The following CCDC171 variants were observed in gnomAD, a reference collection of about 807,000 sequenced individuals.
CCDC171 encodes coiled-coil domain containing 171, also known as coiled-coil domain-containing protein 171.
In CCDC171, 177 loss-of-function variants were observed where a neutral mutation model predicts 168.2. That is an observed-to-expected ratio of 1.05 (90% CI 0.93 to 1.19). The LOEUF (loss-of-function observed/expected upper bound fraction) is 1.19. Ranked by LOEUF, CCDC171 falls within the 50% of genes most tolerant of loss-of-function variation. The probability of loss-of-function intolerance (pLI) is 0.00; values close to 1 mark genes in which losing one functional copy is unlikely to be tolerated. For missense variants in CCDC171, 1,991 were observed against 1,539.0 expected (o/e 1.29, Z -4.91); for synonymous variants, 687 against 540.8 (o/e 1.27, Z -3.75).
Position 16,005,834 on chromosome 9 carries a change from G to A in CCDC171, n.369-14755G>A, listed in dbSNP as rs577427710. ...AACTAATCCCCCATGGATATCAAGG[G>A]ATAACTGTGTATACCTAAGAAAGTC... On this transcript the variant is annotated intron_variant and non_coding_transcript_variant, in intron 3 of 9. Coordinates refer to the CCDC171 transcript ENST00000486641. 2.0e-5 allele frequency among the ~76,000 whole-genome samples: 3 copies of A among 152,206 alleles called. No homozygotes were observed. In the South Asian group the frequency reaches 6.2e-4, roughly 32 times the overall value.
intron 25 of CCDC171, among the ~76,000 whole-genome samples, chr9:15,934,632 C>A (rs1267979445): frequency 1.3e-5 from 2 of 151,872 alleles, no homozygotes; most frequent in Non-Finnish European, 2.9e-5. Flanking sequence ...CCATATGACC[C>A]AGCAAATTTA....
chr9:15,935,430 GC>G (rs1273756346), intron 25 of CCDC171, among the ~76,000 whole-genome samples: 43 of 152,132 alleles, frequency 2.8e-4, no homozygotes, highest in Non-Finnish European at 2.9e-5. Flanking sequence ...TTCCCTGTCA[GC>G]TTTAAAATTC....
In CCDC171 at chr9:15,772,828, C is replaced by T. The variant is rs962145885; in HGVS notation, c.2672-4772C>T. On this transcript the variant is annotated intron_variant, in intron 18 of 25. Coordinates refer to ENST00000380701, the MANE Select transcript of CCDC171 (RefSeq NM_173550.4). Reference sequence around the variant, plus strand: ...GAGTGCGTCTTAGATATGGCCATGACTACAGAGAAAATGGAATAAATTGGA... The same window carrying T: ...GAGTGCGTCTTAGATATGGCCATGATTACAGAGAAAATGGAATAAATTGGA... 7.3e-4 allele frequency among the ~76,000 whole-genome samples: 111 copies of T among 151,754 alleles called. 1 individual carries two copies. Among genetic ancestry groups the T allele is most frequent in the Admixed American group, 2.0e-4 (3 of 15,230 alleles).
chr9:15,896,498 A>G (rs1820918562), intron 24 of CCDC171, among the ~76,000 whole-genome samples: 1 of 152,066 alleles, frequency 6.6e-6, no homozygotes. Context: ...AGGAAAATGA[A>G]CTTAGATTCT....
chr9:15,756,066 C>T (rs1374718122), intron 18 of CCDC171, among the ~76,000 whole-genome samples: 2 of 152,134 alleles, frequency 1.3e-5, no homozygotes, highest in Admixed American at 6.5e-5. Context: ...GCAGTTTTCT[C>T]TTCTTGTTTC....
At chr9:15,777,433 C>T (rs1374415197) in intron 18 of CCDC171, among the ~76,000 whole-genome samples, 167 bp from the exon 19 acceptor site, 1 of 151,796 alleles carries the variant, frequency 6.6e-6, no homozygotes, top group Non-Finnish European at 1.5e-5. Context: ...CTCTGAATTC[C>T]TTTTTTTCAT....
At chr9:15,779,935 G>C (rs1427683222) in intron 20 of CCDC171, among the ~76,000 whole-genome samples, 6 of 152,136 alleles carry the variant, frequency 3.9e-5, no homozygotes, top group African/African-American at 1.4e-4. Context: ...TTTTAATGTG[G>C]ATATGGGAAC....
At chr9:15,636,416 C>T (rs1205465743) in intron 7 of CCDC171, among the ~76,000 whole-genome samples, 2 of 151,970 alleles carry the variant, frequency 1.3e-5, no homozygotes, top group Non-Finnish European at 2.9e-5. Flanking sequence ...TATTTTATAT[C>T]ATCATTTTTA....
At chr9:15,993,465 A>C (rs138260695) in intron 3 of CCDC171, among the ~76,000 whole-genome samples, 2,738 of 152,298 alleles carry the variant, frequency 0.018, 97 homozygotes, top group African/African-American at 0.063. Flanking sequence ...AAAGACTTAA[A>C]TGGTAGGCCT....
chr9:15,991,582 A>T (rs1381423088), intron 3 of CCDC171, among the ~76,000 whole-genome samples: 2 of 152,212 alleles, frequency 1.3e-5, no homozygotes, highest in Non-Finnish European at 2.9e-5. Context: ...CTAAGATCAG[A>T]GCAGAACTGA....
At chr9:16,048,646 ATC>A (rs775654855) in intron 1 of CCDC171, among the ~76,000 whole-genome samples, 53 of 152,146 alleles carry the variant, frequency 3.5e-4, no homozygotes, top group Non-Finnish European at 5.6e-4. Flanking sequence ...GAGTGGCTTT[ATC>A]TCTCTCTCTT....
intron 16 of CCDC171, among the ~76,000 whole-genome samples, chr9:15,742,777 A>C (rs114435748): frequency 6.6e-6 from 1 of 152,160 alleles, no homozygotes; most frequent in East Asian, 1.9e-4. Context: ...TTCCGAGTAC[A>C]TGTGATTTAG....
At chr9:15,738,591 C>G (rs778359147) in intron 16 of CCDC171, among the ~76,000 whole-genome samples, 3 of 151,924 alleles carry the variant, frequency 2.0e-5, no homozygotes, top group Non-Finnish European at 4.4e-5. Context: ...AAATACTGGC[C>G]TTTAATCTCC....
the CCDC171 span, among the ~76,000 whole-genome samples, chr9:16,106,744 G>T: frequency 6.6e-6 from 1 of 152,082 alleles, no homozygotes; most frequent in Non-Finnish European, 1.5e-5. Flanking sequence ...TTAGAATATG[G>T]TAAAATATGC....
At chr9:15,719,917 T>C (rs895683113) in intron 11 of CCDC171, among the ~76,000 whole-genome samples, 2 of 152,094 alleles carry the variant, frequency 1.3e-5, no homozygotes, top group Admixed American at 1.3e-4. Flanking sequence ...AAAATATATA[T>C]TTGATAAGAC....
chr9:15,990,806 A>G (rs932196499), intron 3 of CCDC171, among the ~76,000 whole-genome samples: 3 of 152,238 alleles, frequency 2.0e-5, no homozygotes, highest in Non-Finnish European at 2.9e-5. Context: ...CTTTAAGCCA[A>G]CAAAGATCAA....
chr9:15,602,420 A>G (rs1306719974), intron 6 of CCDC171, among the ~76,000 whole-genome samples: 1 of 152,110 alleles, frequency 6.6e-6, no homozygotes, highest in East Asian at 1.9e-4. Flanking sequence ...CCCATCTTTA[A>G]TAGACAAAAC....
chr9:15,819,048 T>A (rs2136068967), intron 21 of CCDC171, among the ~76,000 whole-genome samples: 1 of 116,310 alleles, frequency 8.6e-6, no homozygotes, highest in Middle Eastern at 4.4e-3. Flanking sequence ...TCAACATTCT[T>A]AAAGAAAAGA....
chr9:15,619,123 G>A (rs2044318824), intron 6 of CCDC171, among the ~76,000 whole-genome samples: 1 of 151,910 alleles, frequency 6.6e-6, no homozygotes, highest in South Asian at 2.1e-4. Flanking sequence ...CTCTCGTCTG[G>A]CCTTCCTACT....
Sources: allele counts gnomAD v4.1 joint callset (sites outside exome capture counted in the v4.1 genomes callset), GRCh38; gene constraint gnomAD v4.1.1; transcripts MANE v1.5; gene names NCBI Gene and HGNC (gene_info 2026-07-23, HGNC 2026-07-21).